The following OCRL variants were observed in gnomAD, a reference collection of about 807,000 sequenced individuals.
The protein encoded by OCRL is inositol polyphosphate 5-phosphatase OCRL.
A neutral mutation model predicts 78.9 loss-of-function variants in OCRL; 8 were observed. The ratio of observed to expected loss-of-function variants is 0.10; its 90% CI spans 0.06 to 0.18. The LOEUF (loss-of-function observed/expected upper bound fraction) is 0.18. Ranked by LOEUF, OCRL falls within the 10% of genes least tolerant of loss-of-function variation. The pLI, the probability that OCRL is intolerant of heterozygous loss-of-function variation, is 1.00. For missense variants in OCRL, 454 were observed against 696.7 expected, an observed-to-expected ratio of 0.65 and a Z score of 3.92; for synonymous variants, 240 against 235.4, an observed-to-expected ratio of 1.02 and a Z score of -0.18.
intron 17 of OCRL, 79 bp from the exon 18 acceptor site, chrX:129,576,236 CTT>C: frequency 1.0e-6 from 1 of 1,004,013 alleles, no homozygotes; most frequent in Non-Finnish European, 1.4e-6. Context: ...TTAGAGGACA[CTT>C]TTCTGTTGGT....
At chrX:129,559,751 T>C (rs1310572330) in intron 8 of OCRL, among the ~76,000 whole-genome samples, 1 of 111,656 alleles carries the variant, frequency 9.0e-6, no homozygotes, top group African/African-American at 3.3e-5. Flanking sequence ...GTCCTCTTGA[T>C]TGGGAGGTCT....
At chrX:129,572,417 C>T (rs1253817343) in intron 15 of OCRL, among the ~76,000 whole-genome samples, 5 of 112,941 alleles carry the variant, frequency 4.4e-5, no homozygotes, top group African/African-American at 1.3e-4. Flanking sequence ...TCCCCCCCTC[C>T]TCATTATCTT....
intron 18 of OCRL, among the ~76,000 whole-genome samples, chrX:129,582,069 C>G (rs1005612573): frequency 9.2e-6 from 1 of 109,001 alleles, no homozygotes; most frequent in Middle Eastern, 4.2e-3. Context: ...ATTTATTTCA[C>G]ACTATTTTTC....
intron 15 of OCRL, among the ~76,000 whole-genome samples, chrX:129,573,075 A>G (rs1281382968): frequency 8.9e-6 from 1 of 112,051 alleles, no homozygotes; most frequent in East Asian, 2.8e-4. Flanking sequence ...TTCATCTTAA[A>G]CTAATGCTAT....
intron 8 of OCRL, 43 bp downstream of exon 8, chrX:129,559,044 T>C (rs1936105937): frequency 9.0e-7 from 1 of 1,114,785 alleles, no homozygotes; most frequent in Non-Finnish European, 1.2e-6. Flanking sequence ...AGTTAGTATA[T>C]ATAACAGACA....
chrX:129,540,660 G>GT lies in OCRL; in HGVS notation c.40-84_40-83insT, dbSNP rs1224256156. ...GGGCGGGGGAGGGCGGCGGTGGGGG[G>GT]GGGGTGGAAGACCCCCTTCGCCCCG... On this transcript the variant is annotated intron_variant, in intron 1 of 23. Transcript: ENST00000371113. 9.2e-5 allele frequency: 74 copies of GT among 808,346 alleles called. 1 individual carries two copies. Among genetic ancestry groups the GT allele is most frequent in the African/African-American group, 7.3e-4 (34 of 46,883 alleles). 66.6% of individuals were successfully genotyped at this position (808,346 alleles called of 1,213,427 possible).
intron 18 of OCRL, among the ~76,000 whole-genome samples, chrX:129,582,051 C>G (rs889804581): frequency 4.2e-4 from 46 of 108,492 alleles, no homozygotes; most frequent in African/African-American, 1.4e-3. Context: ...TTCAACATAC[C>G]TTTTCAGATT....
At chrX:129,573,533 A>T (rs1357735207) in intron 15 of OCRL, among the ~76,000 whole-genome samples, 1 of 111,595 alleles carries the variant, frequency 9.0e-6, no homozygotes, top group Non-Finnish European at 1.9e-5. Flanking sequence ...TTCCAGCTTC[A>T]TCCATGTCCC....
intron 18 of OCRL, among the ~76,000 whole-genome samples, chrX:129,582,478 A>G (rs1409159631): frequency 2.7e-5 from 3 of 112,450 alleles, no homozygotes; most frequent in Non-Finnish European, 1.9e-5. Flanking sequence ...ACAGGTTAGT[A>G]TACAAAATCT....
intron 2 of OCRL, among the ~76,000 whole-genome samples, chrX:129,542,603 A>G (rs533326270): frequency 2.7e-5 from 3 of 111,005 alleles, no homozygotes; most frequent in Non-Finnish European, 5.7e-5. Flanking sequence ...GGTTACTATA[A>G]GATAGTAATA....
intron 2 of OCRL, among the ~76,000 whole-genome samples, chrX:129,543,196 A>G (rs1049756299): frequency 5.3e-5 from 6 of 112,415 alleles, no homozygotes; most frequent in South Asian, 3.7e-4. Flanking sequence ...TTCTGAAATG[A>G]ATAATTACAC....
intron 19 of OCRL, 74 bp downstream of exon 19, chrX:129,584,441 G>T: frequency 2.0e-6 from 2 of 1,016,615 alleles, no homozygotes; most frequent in South Asian, 3.8e-5. Flanking sequence ...CCTGGAATTT[G>T]TCCCTAGGCT....
chrX:129,559,099 A>C, intron 8 of OCRL, 98 bp downstream of exon 8: 3 of 812,234 alleles, frequency 3.7e-6, no homozygotes, highest in Non-Finnish European at 3.6e-6. Context: ...AAGAATCAAA[A>C]TATGATAAAA....
chrX:129,545,124 T>G (rs1440505618), intron 3 of OCRL, 87 bp downstream of exon 3: 1 of 544,966 alleles, frequency 1.8e-6, no homozygotes, highest in East Asian at 3.4e-5. Context: ...TTTAAATTTG[T>G]CAGTGCATGT....
At chrX:129,540,526 TGGGGGTC>T in intron 1 of OCRL, 48 bp downstream of exon 1, 1 of 162,548 alleles carries the variant, frequency 6.2e-6, no homozygotes, top group Non-Finnish European at 1.0e-5. Flanking sequence ...GGGCCGGGGG[TGGGGGTC>T]GGGGGCCCTG....
At chrX:129,557,528 A>G (rs1936073797) in intron 5 of OCRL, 93 bp downstream of exon 5, 3 of 786,098 alleles carry the variant, frequency 3.8e-6, no homozygotes, top group Non-Finnish European at 5.7e-6. Flanking sequence ...TTGGCAAAAT[A>G]CCTCACCCTT....
rs1219731421 is a variant in OCRL at position 129,560,646 on chromosome X, C to T, written c.819C>T (p.Cys273=). ...ATCCCAATCCTCCTGATATCTACTG[C>T]ATTGGGTAAAGAACACTTCTGGAAT... ...NCDPNPPDIY[C]IGFQELDLST... is the part of the protein sequence containing the mutation. Residue 273 remains cysteine, a synonymous_variant, in exon 9 of 24, where the codon TGC becomes TGT. Transcript: ENST00000371113. The T allele has an allele frequency of 8.7e-7, 1 of 1,148,820 alleles. No individual in the cohort carries two copies. Among genetic ancestry groups the T allele is most frequent in the Admixed American group, 2.2e-5 (1 of 45,879 alleles). The allele number at this position is 1,148,820 out of a possible 1,213,427, so 94.7% of individuals were successfully genotyped here. A position where few individuals can be genotyped will look rare whatever the true frequency, so the allele number is the denominator to read the frequency against.
At chrX:129,556,550 G>A (rs1231790600) in intron 4 of OCRL, among the ~76,000 whole-genome samples, 1 of 111,913 alleles carries the variant, frequency 8.9e-6, no homozygotes, top group Non-Finnish European at 1.9e-5. Context: ...CAAGTACATA[G>A]GTTTCCTGGA....
Position 129,562,581 on chromosome X carries a change from A to G in OCRL, c.1057-18A>G, listed in dbSNP as rs1342248539. 1.7e-6 allele frequency: 2 copies of G among 1,207,855 alleles called. No individual in the cohort carries two copies. Among genetic ancestry groups the G allele is most frequent in the Middle Eastern group, 2.3e-4 (1 of 4,346 alleles). On this transcript the variant is annotated intron_variant, in intron 11 of 23. Transcript: ENST00000371113. ...TGCTTGTTCTGTGTACTAATTGAAT[A>G]ATTACTCTTGCTAACAGGGAAACAA...
Sources: allele counts gnomAD v4.1 joint callset (sites outside exome capture counted in the v4.1 genomes callset), GRCh38; gene constraint gnomAD v4.1.1; transcripts MANE v1.5; gene names NCBI Gene and HGNC (gene_info 2026-07-23, HGNC 2026-07-21).